The following JAM3 variants were observed in gnomAD, a reference collection of about 807,000 sequenced individuals.
The protein encoded by JAM3 is junctional adhesion molecule 3.
In JAM3, 31 loss-of-function variants were observed where a neutral mutation model predicts 39.4. That is an observed-to-expected ratio of 0.79 (90% confidence interval 0.59 to 1.06). The LOEUF (loss-of-function observed/expected upper bound fraction) is 1.06. Ranked by LOEUF, JAM3 falls within the 50% of genes least tolerant of loss-of-function variation. The probability of loss-of-function intolerance (pLI) is 0.00; values close to 1 mark genes in which losing one functional copy is unlikely to be tolerated. For missense variants in JAM3, 455 were observed against 391.4 expected (o/e 1.16, Z -1.37); for synonymous variants, 182 against 148.7 (o/e 1.22, Z -1.63).
In JAM3 at chr11:134,149,477, A is replaced by G. The variant is rs1943150073; in HGVS notation, c.*296A>G. ...TGATTCCCGCATGAGTATTAGGGTG[A>G]TCTTAAAGAGTTTGCTCACGTAAAC... On this transcript the variant is annotated 3_prime_UTR_variant, in exon 9 of 9. Transcript: ENST00000299106. The G allele has an allele frequency of 1.3e-5, 7 of 552,194 alleles. No individual in the cohort carries two copies. The South Asian group carries it at 1.3e-4, about 10-fold the overall frequency. The allele number at this position is 552,194 out of a possible 1,614,324, so 34.2% of individuals were successfully genotyped here.
rs71038556 is a variant in JAM3, at chr11:134,076,833, C to CTTTTTTTTTTTTTTTTTTTTTTTT, written c.76+7694_76+7695insTTTTTTTTTTTTTTTTTTTTTTTT. Among the ~76,000 whole-genome samples, 2 of 118,532 alleles carry CTTTTTTTTTTTTTTTTTTTTTTTT rather than the reference C, an allele frequency of 1.7e-5. 1 individual carries two copies. 77.8% of individuals were successfully genotyped at this position (118,532 alleles called of 152,430 possible). On this transcript the variant is annotated intron_variant, in intron 1 of 8. Transcript: ENST00000299106. ...TTTGCAATCTCACTAACATCTATTGCTTTTTTTTTTTTTTTTTTTTGAGAT... is the reference window on the plus strand; with the variant it reads ...TTTGCAATCTCACTAACATCTATTGCTTTTTTTTTTTTTTTTTTTTTTTTTTTTTTTTTTTTTTTTTTTTGAGAT...
chr11:134,108,762 CTT>C (rs1942252342), intron 1 of JAM3, among the ~76,000 whole-genome samples: 1 of 152,108 alleles, frequency 6.6e-6, no homozygotes, highest in South Asian at 2.1e-4. Context: ...ATAAAAAAAA[CTT>C]TTGGAATAGG....
intron 1 of JAM3, among the ~76,000 whole-genome samples, chr11:134,076,904 G>A (rs571943752): frequency 6.4e-4 from 94 of 147,084 alleles, no homozygotes; most frequent in Non-Finnish European, 1.1e-3. Context: ...GTGCGATCTC[G>A]GCTCACTGCA....
chr11:134,143,545 T>C (rs1306930079), intron 3 of JAM3, among the ~76,000 whole-genome samples: 1 of 152,236 alleles, frequency 6.6e-6, no homozygotes, highest in African/African-American at 2.4e-5. Context: ...TATGTCCAGT[T>C]TTTAAATTAG....
At chr11:134,093,876 G>C (rs1438384577) in intron 1 of JAM3, among the ~76,000 whole-genome samples, 2 of 95,274 alleles carry the variant, frequency 2.1e-5, no homozygotes, top group Non-Finnish European at 3.9e-5. Context: ...AGCTTCTCCT[G>C]AACCCTCCTT....
rs953428156 is a variant in JAM3 at position 134,151,090 on chromosome 11, C to G, written c.*1909C>G. 1 of 152,274 alleles carries G rather than the reference C, an allele frequency of 6.6e-6. No individual in the cohort carries two copies. Among genetic ancestry groups the G allele is most frequent in the Non-Finnish European group, 1.5e-5 (1 of 68,066 alleles). 9.4% of individuals were successfully genotyped at this position (152,274 alleles called of 1,614,324 possible). A position where few individuals can be genotyped will look rare whatever the true frequency, so the allele number is the denominator to read the frequency against. On this transcript the variant is annotated 3_prime_UTR_variant, in exon 9 of 9. Coordinates refer to ENST00000299106, the MANE Select transcript of JAM3 (RefSeq NM_032801.5). ...GACTGAAGTGCTGTAAAGCAAGGAG[C>G]TGCTGAGAAGGAGCACTCCACTGTG... is the stretch of plus-strand genomic sequence containing the variant.
Position 134,138,440 on chromosome 11 carries a change from A to C in JAM3, c.77-1411A>C, listed in dbSNP as rs514873. Reference sequence around the variant, plus strand: ...ATACTGGAAGAAATGTTTATGGCCAATAGTCCCTTAGAGCCAGTGGTGGTG... The same window carrying C: ...ATACTGGAAGAAATGTTTATGGCCACTAGTCCCTTAGAGCCAGTGGTGGTG... On this transcript the variant is annotated intron_variant, in intron 1 of 8. Coordinates refer to ENST00000299106, the MANE Select transcript of JAM3 (RefSeq NM_032801.5). 3.5e-3 allele frequency among the ~76,000 whole-genome samples: 195 copies of C among 56,344 alleles called. 33 individuals are homozygous for C. The highest frequency in any genetic ancestry group is 0.016 in the African/African-American group (122 of 7,484). The allele number at this position is 56,344 out of a possible 152,430, so 37.0% of individuals were successfully genotyped here. A position where few individuals can be genotyped will look rare whatever the true frequency, so the allele number is the denominator to read the frequency against.
chr11:134,071,550 C>T (rs1396793788), intron 1 of JAM3, among the ~76,000 whole-genome samples: 1 of 152,136 alleles, frequency 6.6e-6, no homozygotes, highest in Admixed American at 6.6e-5. Context: ...TGATTGTGTA[C>T]TCATTAGTGT....
chr11:134,150,458 G>C lies in JAM3; in HGVS notation c.*1277G>C, dbSNP rs1254414412. The C allele has an allele frequency of 6.6e-6, 1 of 152,232 alleles. No individual in the cohort carries two copies. The highest frequency in any genetic ancestry group is 1.5e-5 in the Non-Finnish European group (1 of 68,058). 9.4% of individuals were successfully genotyped at this position (152,232 alleles called of 1,614,324 possible). On this transcript the variant is annotated 3_prime_UTR_variant, in exon 9 of 9. Transcript: ENST00000299106. ...TCTGCCAGGAGGCCCTGCCATCCTT[G>C]GGCCCTGGCAGTGGCTGTGTCCCAG...
At chr11:134,109,164 G>A (rs539573940) in intron 1 of JAM3, among the ~76,000 whole-genome samples, 1 of 151,986 alleles carries the variant, frequency 6.6e-6, no homozygotes, top group African/African-American at 2.4e-5. Flanking sequence ...GTTTTACCAC[G>A]TTGGCCAGGC....
At chr11:134,134,207 A>G (rs1015834483) in intron 1 of JAM3, among the ~76,000 whole-genome samples, 2 of 152,142 alleles carry the variant, frequency 1.3e-5, no homozygotes, top group Non-Finnish European at 1.5e-5. Context: ...AAGATGACCT[A>G]AAAAATGGAA....
intron 1 of JAM3, 97 bp from the exon 2 acceptor site, chr11:134,139,754 C>G (rs567016410): frequency 1.1e-6 from 1 of 914,894 alleles, no homozygotes; most frequent in African/African-American, 1.6e-5. Flanking sequence ...TGGTTAGTAA[C>G]CATAGCCTAC....
At chr11:134,148,929 C>T (rs1268134050) in intron 8 of JAM3, 111 bp downstream of exon 8, 7 of 1,099,182 alleles carry the variant, frequency 6.4e-6, no homozygotes, top group Non-Finnish European at 9.6e-6. Flanking sequence ...TTGTGCAGCT[C>T]CTGAGCTCCT....
intron 1 of JAM3, among the ~76,000 whole-genome samples, chr11:134,110,510 A>C (rs1171472172): frequency 6.6e-6 from 1 of 152,236 alleles, no homozygotes; most frequent in African/African-American, 2.4e-5. Flanking sequence ...ATGAATCTCA[A>C]AATAATTATG....
intron 6 of JAM3, among the ~76,000 whole-genome samples, 183 bp downstream of exon 6, chr11:134,146,228 T>C (rs564450384): frequency 7.2e-5 from 11 of 152,184 alleles, no homozygotes; most frequent in Non-Finnish European, 1.3e-4. Flanking sequence ...CGAGTCCAGA[T>C]AAGCAGGTCC....
chr11:134,135,525 TTATC>T (rs1202996064), intron 1 of JAM3, among the ~76,000 whole-genome samples: 5 of 151,396 alleles, frequency 3.3e-5, no homozygotes, highest in African/African-American at 4.9e-5. Context: ...GCACAGATTT[TTATC>T]TATCCTTTTT....
In JAM3 at chr11:134,147,181, G is replaced by A. The variant is rs181052671; in HGVS notation, c.712+1136G>A. 2.2e-4 allele frequency among the ~76,000 whole-genome samples: 34 copies of A among 152,142 alleles called. No individual in the cohort carries two copies. The Middle Eastern group carries it at 0.01, about 46-fold the overall frequency. On this transcript the variant is annotated intron_variant, in intron 6 of 8. Coordinates refer to ENST00000299106, the MANE Select transcript of JAM3 (RefSeq NM_032801.5). ...TTAACATCAAAATTGCATGCCAGGCGTGGTGGCTCACACTATAATCCTAGC... is the reference window on the plus strand; with the variant it reads ...TTAACATCAAAATTGCATGCCAGGCATGGTGGCTCACACTATAATCCTAGC...
chr11:134,139,186 A>G (rs751722799), intron 1 of JAM3, among the ~76,000 whole-genome samples: 8 of 152,240 alleles, frequency 5.3e-5, no homozygotes, highest in Non-Finnish European at 8.8e-5. Context: ...AAGGAATCAG[A>G]TGCTAGTTTT....
chr11:134,108,884 T>A (rs1364830021), intron 1 of JAM3, among the ~76,000 whole-genome samples: 1 of 152,196 alleles, frequency 6.6e-6, no homozygotes, highest in Non-Finnish European at 1.5e-5. Flanking sequence ...CCCAATCTGA[T>A]AAACAATATC....
Sources: allele counts gnomAD v4.1 joint callset (sites outside exome capture counted in the v4.1 genomes callset), GRCh38; gene constraint gnomAD v4.1.1; transcripts MANE v1.5; gene names NCBI Gene and HGNC (gene_info 2026-07-23, HGNC 2026-07-21).